Variants in LIN9 observed in about 807,000 individuals in gnomAD.
LIN9 encodes protein lin-9 homolog.
A neutral mutation model predicts 78.0 loss-of-function variants in LIN9; 18 were observed. The observed-to-expected ratio is 0.23, with a 90% CI of 0.16 to 0.34. The LOEUF (loss-of-function observed/expected upper bound fraction) is 0.34. LIN9 is among the 10% of genes least tolerant of loss of function. LIN9 has a pLI of 1.00. For missense variants in LIN9, 451 were observed against 644.1 expected (o/e 0.70, Z 3.25); for synonymous variants, 192 against 215.2 (o/e 0.89, Z 0.94).
intron 2 of LIN9, among the ~76,000 whole-genome samples, chr1:226,299,408 G>A (rs1662370143): frequency 6.6e-6 from 1 of 151,132 alleles, no homozygotes; most frequent in South Asian, 2.1e-4. Context: ...GGAGGCTGAG[G>A]CACAAGAATC....
chr1:226,232,569 T>A lies in LIN9; in HGVS notation c.1561A>T (p.Ile521Phe). 1 of 1,611,910 alleles carries A rather than the reference T, an allele frequency of 6.2e-7. No homozygotes were observed. The highest frequency in any genetic ancestry group is 8.5e-7 in the Non-Finnish European group (1 of 1,178,536). ...QNNVEIHVAH[I>F]QSGLSQMGNL... is the part of the protein sequence containing the mutation. Reference sequence around the variant, plus strand: ...CCCATCTGGCTCAGGCCACTCTGAATATGTGCAACATGGATTTCTACATTA... The same window carrying A: ...CCCATCTGGCTCAGGCCACTCTGAAAATGTGCAACATGGATTTCTACATTA... The change falls in exon 15 of 15, where the codon ATT (isoleucine) becomes TTT (phenylalanine). Residue 521 changes from isoleucine (I) to phenylalanine (F), a missense_variant. Transcript: ENST00000681046.
At chr1:226,244,362 G>A (rs1020292679) in intron 11 of LIN9, among the ~76,000 whole-genome samples, 10 of 152,092 alleles carry the variant, frequency 6.6e-5, no homozygotes, top group African/African-American at 2.4e-4. Context: ...AACCTGGGAG[G>A]CAGACGTTGC....
intron 11 of LIN9, among the ~76,000 whole-genome samples, chr1:226,243,735 A>C (rs17263666): frequency 0.64 from 93,896 of 146,898 alleles, 30,549 homozygotes; most frequent in East Asian, 0.7. Context: ...TCCTCAAAAA[A>C]ACCCAATAGT....
intron 12 of LIN9, among the ~76,000 whole-genome samples, chr1:226,235,477 T>C (rs1657638804): frequency 6.6e-6 from 1 of 152,160 alleles, no homozygotes. Context: ...TCCAAAATGC[T>C]TGGGACCAGA....
chr1:226,250,815 A>G, intron 11 of LIN9, 24 bp downstream of exon 11: 5 of 1,214,906 alleles, frequency 4.1e-6, no homozygotes, highest in Non-Finnish European at 4.8e-6. Context: ...AAGCAAATGA[A>G]GAAAAAAAAA....
At chr1:226,304,142 TGTTA>T (rs944404683) in intron 1 of LIN9, among the ~76,000 whole-genome samples, 23 of 152,376 alleles carry the variant, frequency 1.5e-4, no homozygotes, top group African/African-American at 4.1e-4. Context: ...GATATAATGC[TGTTA>T]GTATTATTTT....
intron 11 of LIN9, among the ~76,000 whole-genome samples, chr1:226,250,472 C>A (rs1353229413): frequency 6.6e-6 from 1 of 152,148 alleles, no homozygotes; most frequent in Admixed American, 6.5e-5. Context: ...CAATGCACTG[C>A]CAATTTACTT....
intron 1 of LIN9, among the ~76,000 whole-genome samples, chr1:226,307,706 G>A (rs551496753): frequency 2.0e-5 from 3 of 152,286 alleles, no homozygotes; most frequent in African/African-American, 7.2e-5. Context: ...CTCATGACTG[G>A]TCAATAGCTG....
intron 10 of LIN9, among the ~76,000 whole-genome samples, chr1:226,252,655 G>A (rs1029692177): frequency 9.9e-5 from 15 of 152,034 alleles, no homozygotes; most frequent in Admixed American, 1.3e-4. Flanking sequence ...TGTAATGATG[G>A]TATTGTAGTT....
At chr1:226,302,732 G>C (rs183709560) in intron 1 of LIN9, among the ~76,000 whole-genome samples, 86 of 152,240 alleles carry the variant, frequency 5.6e-4, no homozygotes, top group African/African-American at 2.0e-3. Context: ...AAATCAGAGA[G>C]GACGGATTAA....
rs551897182 is a variant in LIN9 at position 226,256,570 on chromosome 1, T to TA, written c.1039-5652_1039-5651insT. Among the ~76,000 whole-genome samples, 612 of 150,282 alleles carry TA rather than the reference T, an allele frequency of 4.1e-3. 26 individuals are homozygous for TA. In the South Asian group the frequency reaches 0.074, roughly 18 times the overall value. On this transcript the variant is annotated intron_variant, in intron 10 of 14. Coordinates refer to ENST00000681046, the MANE Select transcript of LIN9 (RefSeq NM_001366245.2). ...TAAAATAAATATATATATATATATA[T>TA]TTTTTTGAGACAGAGTCTCGCTCTG...
At chr1:226,276,151 C>T (rs1048494608) in intron 7 of LIN9, among the ~76,000 whole-genome samples, 2 of 152,176 alleles carry the variant, frequency 1.3e-5, no homozygotes, top group African/African-American at 4.8e-5. Flanking sequence ...AAAAACACTA[C>T]CTAAGATTTT....
intron 4 of LIN9, among the ~76,000 whole-genome samples, chr1:226,289,599 C>A (rs1473862896): frequency 6.6e-6 from 1 of 151,934 alleles, no homozygotes; most frequent in Admixed American, 6.6e-5. Context: ...TGGGCTCAAG[C>A]GATCTTCCTG....
chr1:226,267,055 T>C (rs776442511), intron 8 of LIN9, among the ~76,000 whole-genome samples: 2 of 152,002 alleles, frequency 1.3e-5, no homozygotes, highest in East Asian at 1.9e-4. Context: ...GCTGGGATTA[T>C]AGGTGTGAGC....
At chr1:226,289,688 G>A (rs1576345206) in intron 4 of LIN9, among the ~76,000 whole-genome samples, 1 of 152,030 alleles carries the variant, frequency 6.6e-6, no homozygotes, top group East Asian at 1.9e-4. Flanking sequence ...AGCACATATA[G>A]AGATATGCTA....
At chr1:226,298,627 G>A (rs1235228347) in intron 2 of LIN9, among the ~76,000 whole-genome samples, 3 of 152,196 alleles carry the variant, frequency 2.0e-5, no homozygotes, top group South Asian at 2.1e-4. Flanking sequence ...TTGGGAGGCC[G>A]AGGTGGGTGG....
In LIN9 at chr1:226,232,910, A is replaced by G. The variant is rs528804202; in HGVS notation, c.1523+186T>C. On this transcript the variant is annotated intron_variant, in intron 14 of 14. Transcript: ENST00000681046. ...CCTAAATATATGTCCTGATTTCTTT[A>G]TATACAAAATCCATGTGAAATTTCT... 6.9e-5 allele frequency: 35 copies of G among 504,680 alleles called. No individual in the cohort carries two copies. In the African/African-American group the frequency reaches 7.0e-4, roughly 10 times the overall value. 31.3% of individuals were successfully genotyped at this position (504,680 alleles called of 1,614,324 possible).
chr1:226,309,288 C>T, upstream of LIN9: 1 of 1,074,232 alleles, frequency 9.3e-7, no homozygotes. Context: ...TGAGGCGGGC[C>T]CGGCTCCGCC....
intron 2 of LIN9, among the ~76,000 whole-genome samples, chr1:226,300,293 G>A (rs1662445009): frequency 1.3e-5 from 2 of 152,258 alleles, no homozygotes; most frequent in East Asian, 1.9e-4. Context: ...GCTCATGCCT[G>A]TAATCTCAGC....
Sources: gnomAD v4.1 joint callset for allele counts (sites outside exome capture counted in the v4.1 genomes callset) on GRCh38, gnomAD v4.1.1 for gene constraint, MANE v1.5 for transcripts, NCBI Gene and HGNC (gene_info 2026-07-23, HGNC 2026-07-21) for gene names.